The following PTPRD variants were observed in gnomAD, a reference collection of about 807,000 sequenced individuals.
PTPRD encodes the protein protein tyrosine phosphatase receptor type D, also known as receptor-type tyrosine-protein phosphatase delta.
In PTPRD, 34 loss-of-function variants were observed where a neutral mutation model predicts 214.5. That is an observed-to-expected ratio of 0.16 (90% CI 0.12 to 0.21). The LOEUF is 0.21. PTPRD is among the 10% of genes least tolerant of loss of function. PTPRD has a pLI of 1.00. For synonymous variants in PTPRD, 1,128 were observed against 845.7 expected, an observed-to-expected ratio of 1.33 and a Z score of -5.79; for missense variants, 2,545 against 2,398.7, an observed-to-expected ratio of 1.06 and a Z score of -1.27.
At chr9:9,747,832 C>T (rs1230350763) in intron 6 of PTPRD, among the ~76,000 whole-genome samples, 5 of 152,158 alleles carry the variant, frequency 3.3e-5, no homozygotes, top group South Asian at 2.1e-4. Context: ...GGATTAGAGA[C>T]GTGAGCCACT....
chr9:9,586,560 C>T (rs1443497824), intron 7 of PTPRD, among the ~76,000 whole-genome samples: 2 of 151,894 alleles, frequency 1.3e-5, no homozygotes, highest in African/African-American at 4.8e-5. Context: ...TCTCAAGGCA[C>T]AACATTATTT....
intron 14 of PTPRD, among the ~76,000 whole-genome samples, chr9:8,583,013 T>C (rs11790493): frequency 0.46 from 70,613 of 152,010 alleles, 17,248 homozygotes; most frequent in African/African-American, 0.64. Context: ...GATTAATAAA[T>C]TGGGGGTTAT....
At chr9:8,942,422 C>G (rs776958768) in intron 11 of PTPRD, among the ~76,000 whole-genome samples, 2 of 152,076 alleles carry the variant, frequency 1.3e-5, no homozygotes, top group Non-Finnish European at 2.9e-5. Flanking sequence ...ACAATTAGAT[C>G]TGGTGCACAG....
chr9:8,936,380 T>C (rs947952203), intron 11 of PTPRD, among the ~76,000 whole-genome samples: 3 of 122,824 alleles, frequency 2.4e-5, no homozygotes, highest in Non-Finnish European at 3.2e-5. Context: ...TGAGCCTAGA[T>C]TGCACCACTG....
intron 2 of PTPRD, among the ~76,000 whole-genome samples, chr9:10,587,675 C>A (rs1371817995): frequency 6.6e-6 from 1 of 151,994 alleles, no homozygotes; most frequent in African/African-American, 2.4e-5. Flanking sequence ...GCAGAGAACC[C>A]CATTCTGGTT....
chr9:9,108,000 TTTCTTCCTTTCTTCTAATGTTGCCATGC>T (rs2099801089), intron 10 of PTPRD, among the ~76,000 whole-genome samples: 1 of 152,160 alleles, frequency 6.6e-6, no homozygotes, highest in Non-Finnish European at 1.5e-5. Flanking sequence ...TTAATATTGC[TTTCTTCCTTTCTTCTAATGTTGCCATGC>T]TTCTTCCTCA....
chr9:9,059,006 G>C (rs1349091810), intron 10 of PTPRD, among the ~76,000 whole-genome samples: 1 of 152,094 alleles, frequency 6.6e-6, no homozygotes, highest in African/African-American at 2.4e-5. Flanking sequence ...ACTTTAATCT[G>C]CCCAGTAGAA....
intron 11 of PTPRD, among the ~76,000 whole-genome samples, chr9:8,891,972 C>T (rs893896608): frequency 6.6e-6 from 1 of 152,118 alleles, no homozygotes; most frequent in Non-Finnish European, 1.5e-5. Context: ...CCCTTCTTAA[C>T]GTCCCCTTAT....
At chr9:8,615,197 TCTC>T (rs2095570857) in intron 14 of PTPRD, among the ~76,000 whole-genome samples, 1 of 151,978 alleles carries the variant, frequency 6.6e-6, no homozygotes, top group African/African-American at 2.4e-5. Flanking sequence ...TATATTATTC[TCTC>T]CTCAATACAC....
intron 2 of PTPRD, among the ~76,000 whole-genome samples, chr9:10,434,718 T>C (rs1437262978): frequency 6.6e-6 from 1 of 151,976 alleles, no homozygotes; most frequent in East Asian, 1.9e-4. Flanking sequence ...ACTGTTGCTA[T>C]TGGTGGAGAA....
chr9:9,996,211 G>T (rs72692773), intron 4 of PTPRD, among the ~76,000 whole-genome samples: 8,778 of 152,136 alleles, frequency 0.058, 354 homozygotes, highest in Middle Eastern at 0.11. Context: ...ATCCTACTAT[G>T]GTGTTAGTTC....
chr9:8,451,844 TG>T (rs1242790930), intron 33 of PTPRD: 2 of 484,646 alleles, frequency 4.1e-6, no homozygotes, highest in African/African-American at 1.9e-5. Flanking sequence ...TGCAAGATTA[TG>T]GAAACCAGAA....
chr9:8,981,614 A>G (rs187236047), intron 11 of PTPRD, among the ~76,000 whole-genome samples: 38 of 152,216 alleles, frequency 2.5e-4, no homozygotes, highest in Non-Finnish European at 8.8e-5. Context: ...ACAATAAATA[A>G]TAGCTAATCT....
chr9:8,653,449 C>G (rs1010198001), intron 12 of PTPRD, among the ~76,000 whole-genome samples: 6 of 152,048 alleles, frequency 3.9e-5, no homozygotes, highest in African/African-American at 1.4e-4. Flanking sequence ...CCTTCACTAC[C>G]CATCCCATGT....
rs1022537429 is a variant in PTPRD at position 9,674,572 on chromosome 9, A to G, written c.-287+59961T>C. ...AATATGCTATGTAAGACACGTTCAT[A>G]TACTATAAGAAAAGAGAAAGATTAA... On this transcript the variant is annotated intron_variant, in intron 7 of 45. Coordinates refer to ENST00000381196, the MANE Select transcript of PTPRD (RefSeq NM_002839.4). Among the ~76,000 whole-genome samples the G allele has an allele frequency of 3.3e-5, 5 of 151,894 alleles. No homozygotes were observed. The South Asian group carries it at 6.2e-4, about 19-fold the overall frequency.
At chr9:10,506,495 C>G (rs1278768260) in intron 2 of PTPRD, among the ~76,000 whole-genome samples, 1 of 151,964 alleles carries the variant, frequency 6.6e-6, no homozygotes, top group Non-Finnish European at 1.5e-5. Context: ...GTTTGTAGCA[C>G]AAAGAAAGGA....
chr9:9,050,624 T>A (rs1489909648), intron 10 of PTPRD, among the ~76,000 whole-genome samples: 1 of 152,096 alleles, frequency 6.6e-6, no homozygotes, highest in African/African-American at 2.4e-5. Flanking sequence ...CTGAGTAGAG[T>A]GATGAAATCT....
At chr9:8,767,242 C>T (rs769727138) in intron 11 of PTPRD, among the ~76,000 whole-genome samples, 9 of 152,102 alleles carry the variant, frequency 5.9e-5, no homozygotes, top group Admixed American at 2.0e-4. Context: ...CTCAGCCTCC[C>T]GAGTAGCTGG....
chr9:8,612,500 G>T (rs993294778), intron 14 of PTPRD, among the ~76,000 whole-genome samples: 1 of 152,160 alleles, frequency 6.6e-6, no homozygotes, highest in Non-Finnish European at 1.5e-5. Flanking sequence ...TTCAATTAAG[G>T]TGTTAGAAGC....
Sources: allele counts gnomAD v4.1 joint callset (sites outside exome capture counted in the v4.1 genomes callset), GRCh38; gene constraint gnomAD v4.1.1; transcripts MANE v1.5; gene names NCBI Gene and HGNC (gene_info 2026-07-23, HGNC 2026-07-21).